Variants in FRMPD4 observed in about 807,000 individuals in gnomAD.
The protein encoded by FRMPD4 is FERM and PDZ domain containing 4, also known as FERM and PDZ domain-containing protein 4.
In FRMPD4, 22 loss-of-function variants were observed where a neutral mutation model predicts 94.1. The observed-to-expected ratio is 0.23, with a 90% CI of 0.17 to 0.33. The LOEUF is 0.33. Ranked by LOEUF, FRMPD4 falls within the 10% of genes least tolerant of loss-of-function variation. The probability of loss-of-function intolerance (pLI) is 1.00; values close to 1 mark genes in which losing one functional copy is unlikely to be tolerated. For synonymous variants in FRMPD4, 631 were observed against 548.6 expected (o/e 1.15, Z -2.10); for missense variants, 1,111 against 1,339.9 (o/e 0.83, Z 2.67).
chrX:12,231,010 G>GTATGTGTA (rs1555938195), intron 1 of FRMPD4, among the ~76,000 whole-genome samples: 1 of 39,146 alleles, frequency 2.6e-5, no homozygotes. Context: ...ATAATATATA[G>GTATGTGTA]TATATATAGT....
At chrX:12,384,083 A>G (rs2056363864) in intron 1 of FRMPD4, among the ~76,000 whole-genome samples, 2 of 111,894 alleles carry the variant, frequency 1.8e-5, no homozygotes, top group Non-Finnish European at 3.8e-5. Context: ...CAGCCCCACA[A>G]AAATTGGCAC....
chrX:12,031,782 C>T (rs901548727), intron 3 of FRMPD4, among the ~76,000 whole-genome samples: 7 of 111,963 alleles, frequency 6.3e-5, no homozygotes, highest in African/African-American at 2.3e-4. Context: ...TTTTAGAAAG[C>T]TCCCTCTGCT....
At chrX:12,552,098 C>G (rs2058544055) in intron 2 of FRMPD4, among the ~76,000 whole-genome samples, 1 of 111,523 alleles carries the variant, frequency 9.0e-6, no homozygotes, top group Non-Finnish European at 1.9e-5. Flanking sequence ...TCTGGTATAA[C>G]AAGATATTCC....
At chrX:12,329,532 A>G (rs927697510) in intron 1 of FRMPD4, among the ~76,000 whole-genome samples, 4 of 110,956 alleles carry the variant, frequency 3.6e-5, no homozygotes, top group Non-Finnish European at 7.5e-5. Context: ...AACCCCCAAC[A>G]ATACGCATGT....
At chrX:12,219,942 G>A (rs1044711816) in intron 1 of FRMPD4, among the ~76,000 whole-genome samples, 3 of 112,049 alleles carry the variant, frequency 2.7e-5, no homozygotes, top group African/African-American at 9.7e-5. Context: ...AGGAGTTAGA[G>A]ACCAGCCCGA....
chrX:12,217,609 T>C lies in FRMPD4; in HGVS notation c.41+78597T>C, dbSNP rs568115641. Among the ~76,000 whole-genome samples the C allele has an allele frequency of 1.4e-4, 16 of 112,347 alleles. No homozygotes were observed. The South Asian group carries it at 5.5e-3, about 39-fold the overall frequency. On this transcript the variant is annotated intron_variant, in intron 1 of 16. Transcript: ENST00000675598. ...TTACAGTTCATCTCAGAAAATAATA[T>C]TTTGGTTATGTCTTTCCCACTCTTA...
At chrX:12,386,944 T>G (rs2056404899) in intron 1 of FRMPD4, among the ~76,000 whole-genome samples, 1 of 111,986 alleles carries the variant, frequency 8.9e-6, no homozygotes, top group Non-Finnish European at 1.9e-5. Flanking sequence ...AAGAAAAGCA[T>G]TTGCTGAACA....
intron 2 of FRMPD4, among the ~76,000 whole-genome samples, chrX:12,508,061 C>T (rs1459406198): frequency 3.6e-5 from 4 of 112,027 alleles, no homozygotes; most frequent in African/African-American, 1.3e-4. Flanking sequence ...TACTAATGGT[C>T]GACAGAAAAA....
chrX:12,130,545 TA>T (rs1257367298), intron 3 of FRMPD4, among the ~76,000 whole-genome samples: 1 of 111,279 alleles, frequency 9.0e-6, no homozygotes, highest in Non-Finnish European at 1.9e-5. Flanking sequence ...TAGTATATAG[TA>T]GATGGTGTAT....
chrX:12,618,583 C>A (rs998575388), intron 4 of FRMPD4, among the ~76,000 whole-genome samples: 1 of 110,794 alleles, frequency 9.0e-6, no homozygotes, highest in Admixed American at 9.6e-5. Context: ...TAAAGTAGAT[C>A]TTTCCTTTGA....
chrX:12,254,762 T>C (rs760339579), intron 1 of FRMPD4, among the ~76,000 whole-genome samples: 2 of 111,949 alleles, frequency 1.8e-5, no homozygotes, highest in Non-Finnish European at 3.8e-5. Context: ...GGGCTAACAC[T>C]GTAGCAGTAG....
intron 1 of FRMPD4, among the ~76,000 whole-genome samples, chrX:12,465,888 G>A (rs780084647): frequency 2.9e-4 from 33 of 111,879 alleles, no homozygotes; most frequent in African/African-American, 1.1e-3. Flanking sequence ...AGTATAGAAA[G>A]GGTAGAGACT....
intron 1 of FRMPD4, among the ~76,000 whole-genome samples, chrX:12,432,243 G>C (rs1441915564): frequency 2.7e-5 from 3 of 112,135 alleles, no homozygotes; most frequent in Non-Finnish European, 5.6e-5. Flanking sequence ...TTCCCCTCCA[G>C]CACCTGCTAA....
intron 3 of FRMPD4, among the ~76,000 whole-genome samples, chrX:12,104,061 G>A (rs989260085): frequency 1.8e-5 from 2 of 112,036 alleles, no homozygotes; most frequent in Admixed American, 9.5e-5. Flanking sequence ...AAGTCATTAG[G>A]GCAAGCAAGA....
At position 12,564,215 on chromosome X, in the gene FRMPD4, T is replaced by C. The variant is rs1223069941; in HGVS notation, c.159-45506T>C. On this transcript the variant is annotated intron_variant, in intron 2 of 16. Transcript: ENST00000675598. ...TCCCTAAGGCTCCACCTCCAAATTCTATCACATTGAGGATTAGGCTTCAAC... is the reference window on the plus strand; with the variant it reads ...TCCCTAAGGCTCCACCTCCAAATTCCATCACATTGAGGATTAGGCTTCAAC... 7.1e-5 allele frequency among the ~76,000 whole-genome samples: 8 copies of C among 112,597 alleles called. No individual in the cohort carries two copies. In the South Asian group the frequency reaches 1.8e-3, roughly 26 times the overall value.
chrX:12,548,879 G>A lies in FRMPD4; in HGVS notation c.158+50083G>A, dbSNP rs1465207895. Among the ~76,000 whole-genome samples, 36 of 111,423 alleles carry A rather than the reference G, an allele frequency of 3.2e-4. 1 individual carries two copies. On this transcript the variant is annotated intron_variant, in intron 2 of 16. Transcript: ENST00000675598. ...GGGAAGCTAAATCTAGGCTGGTGAA[G>A]GAAGCCAATAGGGCCCAAATAGCTA...
chrX:12,707,636 C>T lies in FRMPD4; in HGVS notation c.1455C>T (p.His485=), dbSNP rs752586467. 13 of 1,201,393 alleles carry T rather than the reference C, an allele frequency of 1.1e-5. No homozygotes were observed. Among genetic ancestry groups the T allele is most frequent in the Admixed American group, 2.2e-5 (1 of 44,806 alleles). Reference sequence around the variant, plus strand: ...AGAGCTTGGTGCGGGTAGAACTCCACGTGCTAGATGTGAAGGCAAGTTTCT... The same window carrying T: ...AGAGCTTGGTGCGGGTAGAACTCCATGTGCTAGATGTGAAGGCAAGTTTCT... The part of the protein sequence containing the change: ...EEESLVRVEL[H]VLDVKPITLL... The change falls in exon 13 of 17, where the codon CAC becomes CAT. Residue 485 remains histidine, a synonymous_variant. Transcript: ENST00000675598.
At chrX:12,018,153 A>G (rs1462469493) in intron 3 of FRMPD4, among the ~76,000 whole-genome samples, 2 of 110,822 alleles carry the variant, frequency 1.8e-5, no homozygotes, top group African/African-American at 6.6e-5. Context: ...AAAAACAACC[A>G]GGAACTTAAT....
chrX:12,222,119 G>T (rs1423222301), intron 1 of FRMPD4, among the ~76,000 whole-genome samples: 1 of 111,516 alleles, frequency 9.0e-6, no homozygotes, highest in Non-Finnish European at 1.9e-5. Flanking sequence ...GATTGCTTGA[G>T]CTTCGGAGTT....
Sources: allele counts gnomAD v4.1 joint callset (sites outside exome capture counted in the v4.1 genomes callset), GRCh38; gene constraint gnomAD v4.1.1; transcripts MANE v1.5; gene names NCBI Gene and HGNC (gene_info 2026-07-23, HGNC 2026-07-21).